The following USP32 variants were observed in gnomAD, a reference collection of about 807,000 sequenced individuals.
USP32 encodes the protein ubiquitin carboxyl-terminal hydrolase 32.
In USP32, 59 loss-of-function variants were observed where a neutral mutation model predicts 204.8. That is an observed-to-expected ratio of 0.29 (90% CI 0.23 to 0.36). The LOEUF (loss-of-function observed/expected upper bound fraction) is 0.36, where lower values mean the gene tolerates loss of function less well. USP32 is among the 10% of genes least tolerant of loss of function. USP32 has a pLI of 1.00. For missense variants in USP32, 1,160 were observed against 1,946.4 expected (o/e 0.60, Z 7.60); for synonymous variants, 517 against 678.4 (o/e 0.76, Z 3.70).
intron 1 of USP32, among the ~76,000 whole-genome samples, chr17:60,375,310 A>G (rs959975553): frequency 6.6e-6 from 1 of 152,210 alleles, no homozygotes; most frequent in Non-Finnish European, 1.5e-5. Context: ...ACTGATTACT[A>G]TGATCCCTTT....
chr17:60,198,427 A>G lies in USP32; in HGVS notation c.3267T>C (p.Tyr1089=), dbSNP rs1463537816. Residue 1089 remains tyrosine, a synonymous_variant, in exon 27 of 34, where the codon TAT becomes TAC. Transcript: ENST00000300896. ...VHRKMMRTEL[Y]FLSSQKNRPS... is the part of the protein sequence containing the mutation. ...GGCGATTCTTCTGAGATGACAGGAA[A>G]TACAGTTCTGTCCTCATCTGTATGT... 6.2e-7 allele frequency: 1 copy of G among 1,614,076 alleles called. No homozygotes were observed. The highest frequency in any genetic ancestry group is 8.5e-7 in the Non-Finnish European group (1 of 1,180,034).
At chr17:60,202,443 T>TCACACACA (rs377613629) in intron 26 of USP32, among the ~76,000 whole-genome samples, 2,052 of 140,716 alleles carry the variant, frequency 0.015, 25 homozygotes, top group African/African-American at 0.032. Context: ...GCTTATCAAA[T>TCACACACA]CACACACACA....
chr17:60,193,191 T>C (rs1041186978), intron 27 of USP32, among the ~76,000 whole-genome samples: 6 of 152,204 alleles, frequency 3.9e-5, no homozygotes, highest in African/African-American at 1.2e-4. Flanking sequence ...ATGTGGCCCA[T>C]GAAAATTTTA....
chr17:60,226,533 T>G (rs528134099), intron 12 of USP32, among the ~76,000 whole-genome samples: 1 of 152,180 alleles, frequency 6.6e-6, no homozygotes, highest in East Asian at 1.9e-4. Flanking sequence ...AAGCTTAAAT[T>G]TTTTTCTTTT....
At chr17:60,185,897 G>A (rs2084238694) in intron 29 of USP32, 1 of 383,130 alleles carries the variant, frequency 2.6e-6, no homozygotes, top group Admixed American at 3.8e-5. Flanking sequence ...CCCTGTCTCT[G>A]TAAAAGAAAA....
upstream of USP32, chr17:60,392,166 C>T: frequency 1.8e-6 from 1 of 556,858 alleles, no homozygotes; most frequent in Non-Finnish European, 3.2e-6. Flanking sequence ...TCCCCTGCCT[C>T]CTACTCCGCC....
chr17:60,376,217 C>T (rs930029305), intron 1 of USP32, among the ~76,000 whole-genome samples: 4 of 151,498 alleles, frequency 2.6e-5, no homozygotes, highest in African/African-American at 4.8e-5. Flanking sequence ...AACTATAATC[C>T]GATTTTTTAT....
intron 2 of USP32, among the ~76,000 whole-genome samples, chr17:60,309,488 G>A (rs1470233122): frequency 1.3e-5 from 2 of 151,906 alleles, no homozygotes; most frequent in African/African-American, 4.8e-5. Context: ...TGTAATCACA[G>A]TTACTCGGGA....
intron 1 of USP32, among the ~76,000 whole-genome samples, chr17:60,414,911 T>C (rs539096385): frequency 6.6e-6 from 1 of 151,464 alleles, no homozygotes; most frequent in South Asian, 2.1e-4. Flanking sequence ...AGTGCAGTGG[T>C]GCAATCTCAG....
rs540472522 is a variant in USP32 at position 60,205,606 on chromosome 17, C to G, written c.3090G>C (p.Gly1030=). ...GGATGAATATTGGTCGGGGTAGGTC[C>G]CCATTGGTAGTTAGGGTGAACATTT... is the stretch of plus-strand genomic sequence containing the variant. ...TNEMFTLTTN[G]DLPRPIFIPN... Residue 1030 remains glycine (G), a synonymous_variant, in exon 26 of 34, where the codon GGG becomes GGC. Coordinates refer to ENST00000300896, the MANE Select transcript of USP32 (RefSeq NM_032582.4). 6.2e-7 allele frequency: 1 copy of G among 1,613,682 alleles called. No individual in the cohort carries two copies. The highest frequency in any genetic ancestry group is 8.5e-7 in the Non-Finnish European group (1 of 1,179,850).
In USP32 at chr17:60,391,914, C is replaced by A; in HGVS notation, c.26G>T (p.Gly9Val). 2 of 1,611,928 alleles carry A rather than the reference C, an allele frequency of 1.2e-6. No homozygotes were observed. Among genetic ancestry groups the A allele is most frequent in the Non-Finnish European group, 1.7e-6 (2 of 1,179,042 alleles). The change falls in exon 1 of 34, where the codon GGA becomes GTA. Residue 9 changes from glycine (G) to valine (V), a missense_variant. Physicochemically the swap from Gly to Val is moderately radical, Grantham distance 109. Around this residue, in one of 8 missense-constraint regions of USP32, gnomAD observed 536 missense variants for 680.9 expected, o/e 0.79. Transcript: ENST00000300896. Reference protein sequence around the residue: MGAKESRIGFLSYEEALRR... With the variant: MGAKESRIVFLSYEEALRR... ...CAGCGCCTCCTCGTAGCTGAGGAAT[C>A]CGATCCGTGACTCCTTGGCACCCAT...
intron 33 of USP32, among the ~76,000 whole-genome samples, chr17:60,180,007 T>C (rs536664262): frequency 2.7e-5 from 4 of 148,366 alleles, no homozygotes; most frequent in African/African-American, 9.9e-5. Flanking sequence ...AAGATAGGAG[T>C]TTTTGCATTA....
chr17:60,407,781 CAAAAAAAAAAAAA>C (rs750848462), intron 1 of USP32, among the ~76,000 whole-genome samples: 5 of 35,954 alleles, frequency 1.4e-4, no homozygotes, highest in East Asian at 9.5e-4. Flanking sequence ...GCCTCTGTCT[CAAAAAAAAAAAAA>C]AAAAAAAAAA....
chr17:60,325,198 G>C (rs1307448536), intron 2 of USP32, among the ~76,000 whole-genome samples: 1 of 152,158 alleles, frequency 6.6e-6, no homozygotes, highest in Non-Finnish European at 1.5e-5. Context: ...CAGATCACTT[G>C]AAGTCAGCAG....
rs1341450768 is a variant in USP32 at position 60,335,228 on chromosome 17, A to C, written c.186+10253T>G. Among the ~76,000 whole-genome samples the C allele has an allele frequency of 1.4e-5, 2 of 142,360 alleles. 1 individual carries two copies. The allele number at this position is 142,360 out of a possible 152,430, so 93.4% of individuals were successfully genotyped here. On this transcript the variant is annotated intron_variant, in intron 2 of 33. Transcript: ENST00000300896. ...GGCTCAAGCAATCCTTGAGATTCCG[A>C]AAAGTGGTGGGATTACAGGTGTGAA...
chr17:60,186,205 A>G (rs1212895524), intron 29 of USP32, among the ~76,000 whole-genome samples: 2 of 152,254 alleles, frequency 1.3e-5, no homozygotes, highest in Non-Finnish European at 2.9e-5. Context: ...GAACGCTTCA[A>G]AATGACAAAA....
intron 27 of USP32, among the ~76,000 whole-genome samples, chr17:60,197,158 T>C (rs2084541771): frequency 6.6e-6 from 1 of 151,796 alleles, no homozygotes; most frequent in African/African-American, 2.4e-5. Context: ...CCAGCCTGGG[T>C]GACAAATTAA....
rs1047821081 is a variant in USP32 at position 60,223,606 on chromosome 17, T to C, written c.1433-20A>G. ...GAAAGCCTATAAAAAAAAAAGAGGA[T>C]AGAATCTCTTATTTTTAGTTATTAT... On this transcript the variant is annotated intron_variant, in intron 13 of 33. Transcript: ENST00000300896. 4.5e-6 allele frequency: 7 copies of C among 1,571,744 alleles called. No individual in the cohort carries two copies. Among genetic ancestry groups the C allele is most frequent in the Admixed American group, 2.1e-5 (1 of 47,088 alleles).
intron 10 of USP32, among the ~76,000 whole-genome samples, chr17:60,254,322 A>G (rs1479447036): frequency 6.6e-6 from 1 of 152,312 alleles, no homozygotes; most frequent in African/African-American, 2.4e-5. Context: ...CTTCCCACTT[A>G]ATCTTTTTTG....
Sources: allele counts gnomAD v4.1 joint callset (sites outside exome capture counted in the v4.1 genomes callset), GRCh38; gene constraint gnomAD v4.1.1; regional missense constraint gnomAD v4.1.1; transcripts MANE v1.5; gene names NCBI Gene and HGNC (gene_info 2026-07-23, HGNC 2026-07-21).